MIGA1: variants seen among roughly 807,000 people sequenced by gnomAD.
MIGA1 encodes the protein family with sequence similarity 73, member A.
A neutral mutation model predicts 82.0 loss-of-function variants in MIGA1; 58 were observed. The observed-to-expected ratio is 0.71, with a 90% CI of 0.57 to 0.88. The LOEUF (loss-of-function observed/expected upper bound fraction) is 0.88. Among genes scored for constraint, MIGA1 ranks in the 40% least tolerant of loss-of-function variants. The pLI is 0.00. For synonymous variants in MIGA1, 249 were observed against 253.6 expected (o/e 0.98, Z 0.17); for missense variants, 751 against 749.1 (o/e 1.00, Z -0.03).
intron 1 of MIGA1, among the ~76,000 whole-genome samples, chr1:77,780,908 CTTTT>C (rs1351911649): frequency 1.5e-5 from 2 of 133,232 alleles, no homozygotes. Context: ...TTTCTTTTTT[CTTTT>C]TTTTTTTTTT....
At position 77,866,328 on chromosome 1, in the gene MIGA1, A is replaced by T. The variant is rs1267074764; in HGVS notation, c.1510-10A>T. On this transcript the variant is annotated splice_polypyrimidine_tract_variant and intron_variant, in intron 13 of 15. Transcript: ENST00000370791. Reference sequence around the variant, plus strand: ...ATATATAAATCTTTCTTTTCTCTGCATGTATTTAGGCTGTGGCTTCAAGTT... The same window carrying T: ...ATATATAAATCTTTCTTTTCTCTGCTTGTATTTAGGCTGTGGCTTCAAGTT... The T allele has an allele frequency of 1.9e-6, 3 of 1,613,414 alleles. No individual in the cohort carries two copies. The highest frequency in any genetic ancestry group is 2.7e-5 in the African/African-American group (2 of 74,912).
chr1:77,787,746 T>C (rs1371264960), intron 2 of MIGA1, among the ~76,000 whole-genome samples: 1 of 152,164 alleles, frequency 6.6e-6, no homozygotes, highest in Non-Finnish European at 1.5e-5. Flanking sequence ...CTCTGTATAG[T>C]CTGGATATTA....
At position 77,873,000 on chromosome 1, in the gene MIGA1, G is replaced by A. The variant is rs2101986831; in HGVS notation, c.1564-4G>A. On this transcript the variant is annotated splice_polypyrimidine_tract_variant and splice_region_variant and intron_variant, in intron 14 of 15. Coordinates refer to ENST00000370791, the MANE Select transcript of MIGA1 (RefSeq NM_198549.4). ...TAACTTGATTCTCCTTTACTTCCCA[G>A]CAGATCCCAGATGGATTTTTTGCCC... 1.2e-6 allele frequency: 2 copies of A among 1,613,784 alleles called. No individual in the cohort carries two copies. The highest frequency in any genetic ancestry group is 1.7e-6 in the Non-Finnish European group (2 of 1,179,984).
rs1570946035 is a variant in MIGA1 at position 77,810,787 on chromosome 1, T to G, written c.638-2947T>G. 4.0e-6 allele frequency: 6 copies of G among 1,492,778 alleles called. No individual in the cohort carries two copies. The East Asian group carries it at 1.2e-4, about 29-fold the overall frequency. 92.5% of individuals were successfully genotyped at this position (1,492,778 alleles called of 1,614,324 possible). A position where few individuals can be genotyped will look rare whatever the true frequency, so the allele number is the denominator to read the frequency against. On this transcript the variant is annotated intron_variant, in intron 5 of 15. Coordinates refer to ENST00000370791, the MANE Select transcript of MIGA1 (RefSeq NM_198549.4). ...TGCTTCCTGCCTGTTGAAGGGTGAA[T>G]ATGCTACACAGAGCTATGATGGTTT...
At chr1:77,832,680 T>G (rs1684284397) in intron 7 of MIGA1, among the ~76,000 whole-genome samples, 1 of 152,226 alleles carries the variant, frequency 6.6e-6, no homozygotes, top group South Asian at 2.1e-4. Context: ...TTGATATGTT[T>G]TGGAAACACA....
chr1:77,815,717 T>C (rs968189343), intron 7 of MIGA1, among the ~76,000 whole-genome samples: 1 of 152,204 alleles, frequency 6.6e-6, no homozygotes, highest in East Asian at 1.9e-4. Flanking sequence ...GTTTTAAAGA[T>C]ACTTTTTAAA....
Position 77,843,406 on chromosome 1 carries a change from A to T in MIGA1, c.995A>T (p.Glu332Val). The change falls in exon 8 of 16, where the codon GAG becomes GTG. Residue 332 changes from glutamate to valine, a missense_variant and splice_region_variant. Glu to Val is a moderately radical substitution (Grantham distance 121). Coordinates refer to ENST00000370791, the MANE Select transcript of MIGA1 (RefSeq NM_198549.4). ...ACGGATTCCTTTGCTTCCGCAGCAG[A>T]GGTAGGACATATGTGTTCCTAATGA... The T allele has an allele frequency of 6.2e-7, 1 of 1,612,638 alleles. No individual in the cohort carries two copies. The highest frequency in any genetic ancestry group is 8.5e-7 in the Non-Finnish European group (1 of 1,178,690).
At chr1:77,863,850 T>G (rs1373675113) in intron 12 of MIGA1, 44 bp from the exon 13 acceptor site, 1 of 1,394,726 alleles carries the variant, frequency 7.2e-7, no homozygotes, top group East Asian at 2.5e-5. Context: ...TTATTTCAGC[T>G]CTATGTAATA....
Position 77,854,995 on chromosome 1 carries a change from C to T in MIGA1, c.997-3943C>T, listed in dbSNP as rs916326465. ...AAGCCAATGTCTAGAAGGGTTTTTC[C>T]AATGTTATCTTCTAGAGTTTTTGTA... On this transcript the variant is annotated intron_variant, in intron 8 of 15. Coordinates refer to ENST00000370791, the MANE Select transcript of MIGA1 (RefSeq NM_198549.4). Among the ~76,000 whole-genome samples the T allele has an allele frequency of 2.0e-5, 3 of 152,220 alleles. No individual in the cohort carries two copies. In the South Asian group the frequency reaches 6.2e-4, roughly 32 times the overall value.
chr1:77,780,076 C>G (rs1681836610), intron 1 of MIGA1: 2 of 1,048,086 alleles, frequency 1.9e-6, no homozygotes, highest in Admixed American at 5.6e-5. Flanking sequence ...GAGGAAGGGT[C>G]TGGACGGCCG....
chr1:77,870,583 G>A (rs1174116349), intron 14 of MIGA1, among the ~76,000 whole-genome samples: 5 of 147,002 alleles, frequency 3.4e-5, no homozygotes, highest in Non-Finnish European at 7.6e-5. Flanking sequence ...GGGCAGAGAC[G>A]CTCCTCACTT....
At chr1:77,848,031 G>A in intron 8 of MIGA1, 1 of 1,276,114 alleles carries the variant, frequency 7.8e-7, no homozygotes, top group Non-Finnish European at 1.1e-6. Flanking sequence ...AGGGCACAGT[G>A]CCAGACACCA....
At chr1:77,841,755 C>T (rs1011802238) in intron 7 of MIGA1, among the ~76,000 whole-genome samples, 1 of 97,252 alleles carries the variant, frequency 1.0e-5, no homozygotes, top group Non-Finnish European at 2.3e-5. Flanking sequence ...TCTTTTCTTT[C>T]TTTGTTCCTT....
chr1:77,838,382 C>T (rs1684508087), intron 7 of MIGA1, among the ~76,000 whole-genome samples: 1 of 151,814 alleles, frequency 6.6e-6, no homozygotes, highest in Non-Finnish European at 1.5e-5. Flanking sequence ...CAGAGTCTCA[C>T]TCTGTCACCC....
At chr1:77,863,026 T>C (rs1416787350) in intron 12 of MIGA1, among the ~76,000 whole-genome samples, 3 of 151,944 alleles carry the variant, frequency 2.0e-5, no homozygotes, top group Admixed American at 1.3e-4. Context: ...AACAAATACA[T>C]GAAGACTTAA....
intron 5 of MIGA1, among the ~76,000 whole-genome samples, chr1:77,809,990 TC>T (rs1311006333): frequency 6.6e-6 from 1 of 152,172 alleles, no homozygotes; most frequent in African/African-American, 2.4e-5. Flanking sequence ...CAATCAGTTG[TC>T]AGAAAAACAG....
intron 14 of MIGA1, among the ~76,000 whole-genome samples, chr1:77,870,788 G>A (rs1224266087): frequency 1.3e-5 from 2 of 150,204 alleles, no homozygotes; most frequent in Non-Finnish European, 3.0e-5. Flanking sequence ...CTCCAGCCTG[G>A]GCACCATTGA....
intron 2 of MIGA1, among the ~76,000 whole-genome samples, chr1:77,784,413 A>G (rs1682055934): frequency 1.3e-5 from 2 of 152,028 alleles, no homozygotes; most frequent in African/African-American, 4.8e-5. Context: ...TTTTGAAGAG[A>G]CAGAGTCTCA....
Position 77,803,272 on chromosome 1 carries a change from T to A in MIGA1, c.376T>A (p.Ser126Thr). 6.6e-7 allele frequency: 1 copy of A among 1,515,866 alleles called. No homozygotes were observed. Among genetic ancestry groups the A allele is most frequent in the South Asian group, 1.4e-5 (1 of 73,866 alleles). 93.9% of individuals were successfully genotyped at this position (1,515,866 alleles called of 1,614,324 possible). The stretch of plus-strand genomic sequence containing the variant: ...ATATTAGTATGTTTATTTGATAGGT[T>A]CAAGTTGTTCCAGTAGCAGACAGAA... The change falls in exon 4 of 16, where the codon TCA becomes ACA. Residue 126 changes from serine (S) to threonine (T), a missense_variant and splice_region_variant. Coordinates refer to ENST00000370791, the MANE Select transcript of MIGA1 (RefSeq NM_198549.4).
Sources: gnomAD v4.1 joint callset for allele counts (sites outside exome capture counted in the v4.1 genomes callset) on GRCh38, gnomAD v4.1.1 for gene constraint, MANE v1.5 for transcripts, NCBI Gene and HGNC (gene_info 2026-07-23, HGNC 2026-07-21) for gene names.